COL4A3: variants seen among roughly 807,000 people sequenced by gnomAD.
The protein encoded by COL4A3 is collagen type IV alpha 3 chain.
A neutral mutation model predicts 217.4 loss-of-function variants in COL4A3; 135 were observed. The observed-to-expected ratio is 0.62, with a 90% CI of 0.54 to 0.72. The LOEUF is 0.72. Among genes scored for constraint, COL4A3 ranks in the 30% least tolerant of loss-of-function variants. COL4A3 has a pLI of 0.00. For missense variants in COL4A3, 1,868 were observed against 2,119.9 expected (o/e 0.88, Z 2.33); for synonymous variants, 690 against 736.3 (o/e 0.94, Z 1.02).
At chr2:227,273,480 C>T (rs1427167289) in intron 26 of COL4A3, among the ~76,000 whole-genome samples, 1 of 152,198 alleles carries the variant, frequency 6.6e-6, no homozygotes, top group African/African-American at 2.4e-5. Context: ...TTATAGTTTA[C>T]TGCATCCTCA....
chr2:227,300,896 T>C (rs531695995), intron 43 of COL4A3, among the ~76,000 whole-genome samples: 1 of 152,122 alleles, frequency 6.6e-6, no homozygotes, highest in South Asian at 2.1e-4. Flanking sequence ...AGCCGGGGTA[T>C]GGGTCGGGTG....
chr2:227,178,913 A>C (rs1369627676), intron 1 of COL4A3, among the ~76,000 whole-genome samples: 3 of 151,990 alleles, frequency 2.0e-5, no homozygotes, highest in Admixed American at 6.6e-5. Flanking sequence ...TCCGGTTATA[A>C]GGATATTTGG....
At chr2:227,304,262 T>C in intron 46 of COL4A3, 118 bp downstream of exon 46, 2 of 1,341,832 alleles carry the variant, frequency 1.5e-6, no homozygotes, top group East Asian at 4.7e-5. Flanking sequence ...TGATAGTGGT[T>C]TTCACAATCA....
intron 2 of COL4A3, among the ~76,000 whole-genome samples, 191 bp from the exon 3 acceptor site, chr2:227,239,952 T>C (rs1183937271): frequency 6.6e-6 from 1 of 152,214 alleles, no homozygotes; most frequent in Non-Finnish European, 1.5e-5. Flanking sequence ...AGACAAATAC[T>C]AACAACTGGT....
chr2:227,249,230 A>ATATATTTT lies in COL4A3; in HGVS notation c.546+711_546+712insATATTTTT. On this transcript the variant is annotated intron_variant, in intron 9 of 51. Coordinates refer to ENST00000396578, the MANE Select transcript of COL4A3 (RefSeq NM_000091.5). The stretch of plus-strand genomic sequence containing the variant: ...TTAGCTAGTATATATATATATATAT[A>ATATATTTT]TTTTTTTTTTTTTTTTTTTTTTTGA... Among the ~76,000 whole-genome samples the ATATATTTT allele has an allele frequency of 1.4e-4, 2 of 14,686 alleles. 1 individual carries two copies. Among genetic ancestry groups the ATATATTTT allele is most frequent in the Non-Finnish European group, 2.5e-4 (2 of 8,022 alleles). The allele number at this position is 14,686 out of a possible 152,430, so 9.6% of individuals were successfully genotyped here. A position where few individuals can be genotyped will look rare whatever the true frequency, so the allele number is the denominator to read the frequency against.
At chr2:227,286,199 C>A (rs916845597) in intron 34 of COL4A3, among the ~76,000 whole-genome samples, 1 of 152,166 alleles carries the variant, frequency 6.6e-6, no homozygotes, top group Non-Finnish European at 1.5e-5. Flanking sequence ...CTCACAATAA[C>A]CCTAGGAGTA....
chr2:227,267,147 G>C, intron 23 of COL4A3, 59 bp downstream of exon 23: 10 of 1,196,936 alleles, frequency 8.4e-6, no homozygotes, highest in Non-Finnish European at 1.2e-5. Context: ...TACACTGGAA[G>C]AAAATAAAGG....
At chr2:227,262,007 TG>T (rs2070605168) in intron 20 of COL4A3, among the ~76,000 whole-genome samples, 1 of 152,236 alleles carries the variant, frequency 6.6e-6, no homozygotes, top group South Asian at 2.1e-4. Flanking sequence ...ACTGGGCATG[TG>T]CCCTGCCACT....
intron 1 of COL4A3, among the ~76,000 whole-genome samples, chr2:227,213,901 C>CAAAAAAAAAAAAAAAAAAAAAAAAAA (rs5839195): frequency 1.1e-5 from 1 of 89,354 alleles, no homozygotes; most frequent in African/African-American, 4.9e-5. Flanking sequence ...AACTCTGTCT[C>CAAAAAAAAAAAAAAAAAAAAAAAAAA]AAAAAAAAAA....
At chr2:227,297,198 C>T (rs1415414743) in intron 41 of COL4A3, among the ~76,000 whole-genome samples, 5 of 152,288 alleles carry the variant, frequency 3.3e-5, no homozygotes, top group East Asian at 3.9e-4. Flanking sequence ...TTCAAATGCA[C>T]ACATCAGTGC....
chr2:227,309,939 T>C (rs1386173570), intron 50 of COL4A3, among the ~76,000 whole-genome samples: 2 of 152,170 alleles, frequency 1.3e-5, no homozygotes, highest in Non-Finnish European at 2.9e-5. Flanking sequence ...GAATGCCTAT[T>C]TTTTATAAGA....
At chr2:227,270,372 T>C (rs2071165500) in intron 24 of COL4A3, among the ~76,000 whole-genome samples, 1 of 152,176 alleles carries the variant, frequency 6.6e-6, no homozygotes, top group Admixed American at 6.5e-5. Context: ...GGTATGTAAA[T>C]TATACCTCAA....
chr2:227,251,682 T>A (rs1415054997), intron 11 of COL4A3, among the ~76,000 whole-genome samples: 1 of 152,232 alleles, frequency 6.6e-6, no homozygotes, highest in Non-Finnish European at 1.5e-5. Context: ...TGAGTTTTTG[T>A]AGTGTGCTGC....
chr2:227,185,192 G>A (rs936960918), intron 1 of COL4A3, among the ~76,000 whole-genome samples: 2 of 152,040 alleles, frequency 1.3e-5, no homozygotes, highest in South Asian at 2.1e-4. Context: ...GAGCCACAGC[G>A]CCCGGCCCTC....
chr2:227,256,130 G>A (rs1559872241), intron 16 of COL4A3, 60 bp downstream of exon 16: 3 of 1,520,210 alleles, frequency 2.0e-6, no homozygotes, highest in Middle Eastern at 1.7e-4. Context: ...AGCTGAAGAA[G>A]GATTTTTTAA....
chr2:227,263,693 AAAATT>A lies in COL4A3; in HGVS notation c.1151-82_1151-78del. ...TCTCCATTGTGCAATTTTTATAAAT[AAAATT>A]AAATCACTCTTGCAATTAAAAAATA... On this transcript the variant is annotated intron_variant, in intron 20 of 51. Transcript: ENST00000396578. The A allele has an allele frequency of 2.2e-6, 3 of 1,336,790 alleles. No individual in the cohort carries two copies. In the East Asian group the frequency reaches 7.5e-5, roughly 33 times the overall value. The allele number at this position is 1,336,790 out of a possible 1,614,324, so 82.8% of individuals were successfully genotyped here.
chr2:227,294,669 C>A, intron 39 of COL4A3, 99 bp downstream of exon 39: 1 of 892,096 alleles, frequency 1.1e-6, no homozygotes, highest in Non-Finnish European at 1.9e-6. Flanking sequence ...TAGAAGGTAG[C>A]TCCTAGTTAC....
At chr2:227,243,482 G>A (rs1202417031) in intron 3 of COL4A3, among the ~76,000 whole-genome samples, 1 of 152,212 alleles carries the variant, frequency 6.6e-6, no homozygotes, top group Non-Finnish European at 1.5e-5. Context: ...AGAATTCTGT[G>A]GGAAGGGGAA....
intron 42 of COL4A3, 30 bp from the exon 43 acceptor site, chr2:227,298,652 G>A (rs754713587): frequency 3.1e-6 from 5 of 1,612,568 alleles, no homozygotes; most frequent in South Asian, 2.2e-5. Flanking sequence ...TCCCTGGCTG[G>A]CAATACTGAC....
Sources: gnomAD v4.1 joint callset for allele counts (sites outside exome capture counted in the v4.1 genomes callset) on GRCh38, gnomAD v4.1.1 for gene constraint, MANE v1.5 for transcripts, NCBI Gene and HGNC (gene_info 2026-07-23, HGNC 2026-07-21) for gene names.